Variants in ALPK1 observed in about 807,000 individuals in gnomAD.
ALPK1 encodes the protein alpha-protein kinase 1.
ALPK1 carries 110 observed loss-of-function variants against 120.6 expected under a neutral mutation model. That is an observed-to-expected ratio of 0.91 (90% CI 0.78 to 1.07). The LOEUF (loss-of-function observed/expected upper bound fraction) is 1.07, where lower values mean the gene tolerates loss of function less well. Among genes scored for constraint, ALPK1 ranks in the 50% least tolerant of loss-of-function variants. ALPK1 has a pLI of 0.00. For missense variants in ALPK1, 1,498 were observed against 1,483.9 expected (o/e 1.01, Z -0.16); for synonymous variants, 582 against 560.3 (o/e 1.04, Z -0.55).
At chr4:112,405,867 A>T (rs772857685) in intron 4 of ALPK1, among the ~76,000 whole-genome samples, 4 of 151,914 alleles carry the variant, frequency 2.6e-5, no homozygotes, top group Admixed American at 6.6e-5. Context: ...GAGCCACAAC[A>T]CTCTGCCAAG....
intron 2 of ALPK1, among the ~76,000 whole-genome samples, chr4:112,340,378 G>A (rs1729804667): frequency 1.3e-5 from 2 of 151,984 alleles, no homozygotes; most frequent in Middle Eastern, 3.2e-3. Context: ...AAGTAAAAAA[G>A]AAATAACCTT....
chr4:112,423,077 G>C (rs937666656), intron 5 of ALPK1, among the ~76,000 whole-genome samples: 1 of 152,180 alleles, frequency 6.6e-6, no homozygotes, highest in Non-Finnish European at 1.5e-5. Flanking sequence ...TACTGGTGTG[G>C]TCTTTTTTGG....
chr4:112,382,715 A>G (rs996592206), intron 4 of ALPK1, 163 bp downstream of exon 4: 1 of 989,908 alleles, frequency 1.0e-6, no homozygotes. Flanking sequence ...TGTTTGAAAA[A>G]CATTACTTGC....
intron 4 of ALPK1, among the ~76,000 whole-genome samples, chr4:112,407,000 G>A (rs752210641): frequency 5.9e-5 from 9 of 152,068 alleles, no homozygotes; most frequent in Non-Finnish European, 7.4e-5. Flanking sequence ...CCCATGTAAC[G>A]TCAAACTTTG....
intron 1 of ALPK1, among the ~76,000 whole-genome samples, chr4:112,310,378 A>T (rs1728340967): frequency 6.6e-6 from 1 of 152,122 alleles, no homozygotes; most frequent in Non-Finnish European, 1.5e-5. Flanking sequence ...GGTGTTGCAT[A>T]ACAAAACAAC....
At chr4:112,406,218 G>C (rs746671520) in intron 4 of ALPK1, among the ~76,000 whole-genome samples, 1 of 152,110 alleles carries the variant, frequency 6.6e-6, no homozygotes, top group African/African-American at 2.4e-5. Context: ...AAGAGGTGAA[G>C]CCACCCAGAT....
At chr4:112,355,125 T>C (rs926924032) in intron 2 of ALPK1, among the ~76,000 whole-genome samples, 5 of 152,238 alleles carry the variant, frequency 3.3e-5, no homozygotes, top group Non-Finnish European at 7.3e-5. Context: ...GTTAGAATTA[T>C]TCTCAGATAC....
chr4:112,358,209 C>G, intron 2 of ALPK1: 1 of 597,374 alleles, frequency 1.7e-6, no homozygotes, highest in Non-Finnish European at 3.1e-6. Context: ...GACAACAGGG[C>G]TGTCTTCCTC....
intron 2 of ALPK1, chr4:112,356,588 G>A (rs1730628630): frequency 1.3e-6 from 1 of 785,190 alleles, no homozygotes; most frequent in Non-Finnish European, 2.3e-6. Flanking sequence ...TGAAGAAGCA[G>A]GAGAGTAACC....
At chr4:112,407,261 G>A (rs772681612) in intron 4 of ALPK1, among the ~76,000 whole-genome samples, 5 of 152,264 alleles carry the variant, frequency 3.3e-5, no homozygotes, top group East Asian at 1.9e-4. Context: ...TAACACTGCC[G>A]AAATGCATAC....
At chr4:112,359,108 C>G (rs551381301) in intron 2 of ALPK1, 1 of 723,810 alleles carries the variant, frequency 1.4e-6, no homozygotes, top group Admixed American at 1.8e-5. Context: ...CCAAGCTGAC[C>G]CTGTCCAAGG....
At chr4:112,359,515 T>C (rs1730813558) in intron 2 of ALPK1, 2 of 257,448 alleles carry the variant, frequency 7.8e-6, no homozygotes, top group African/African-American at 4.5e-5. Flanking sequence ...AACCCAGGCA[T>C]GGAGCCGCCA....
intron 10 of ALPK1, 63 bp from the exon 11 acceptor site, chr4:112,430,385 T>G: frequency 7.1e-7 from 1 of 1,411,720 alleles, no homozygotes; most frequent in Non-Finnish European, 9.6e-7. Flanking sequence ...AATGAAAAGT[T>G]TGTCCTGATT....
At chr4:112,362,314 G>A (rs187137578) in intron 2 of ALPK1, among the ~76,000 whole-genome samples, 159 of 152,306 alleles carry the variant, frequency 1.0e-3, no homozygotes, top group African/African-American at 3.8e-3. Flanking sequence ...GAAAGGTGAA[G>A]TCCAGCTTAA....
intron 2 of ALPK1, among the ~76,000 whole-genome samples, chr4:112,348,324 A>G (rs147366631): frequency 9.5e-4 from 145 of 152,386 alleles, no homozygotes; most frequent in African/African-American, 3.2e-3. Context: ...TTTCTAAACA[A>G]GTCTGTTGGT....
intron 5 of ALPK1, among the ~76,000 whole-genome samples, chr4:112,413,567 C>T (rs951883149): frequency 7.9e-5 from 12 of 152,112 alleles, no homozygotes; most frequent in African/African-American, 1.9e-4. Context: ...TTTAGGCATG[C>T]GCCACCACAC....
intron 6 of ALPK1, 86 bp downstream of exon 6, chr4:112,424,089 T>C: frequency 2.3e-6 from 3 of 1,281,262 alleles, no homozygotes; most frequent in Non-Finnish European, 3.3e-6. Flanking sequence ...ACTTAATAGT[T>C]ACTATACCTT....
chr4:112,426,802 T>C (rs1012864788), intron 8 of ALPK1, among the ~76,000 whole-genome samples: 1 of 152,230 alleles, frequency 6.6e-6, no homozygotes, highest in Non-Finnish European at 1.5e-5. Flanking sequence ...TCTCTACTGG[T>C]CCATTCATTT....
intron 2 of ALPK1, chr4:112,356,149 C>A: frequency 1.2e-6 from 2 of 1,603,114 alleles, no homozygotes; most frequent in African/African-American, 1.3e-5. Flanking sequence ...CCAAGATAGT[C>A]CTGAATGGTG....
Sources: allele counts gnomAD v4.1 joint callset (sites outside exome capture counted in the v4.1 genomes callset), GRCh38; gene constraint gnomAD v4.1.1; transcripts MANE v1.5; gene names NCBI Gene and HGNC (gene_info 2026-07-23, HGNC 2026-07-21).